The following ANXA10 variants were observed in gnomAD, a reference collection of about 807,000 sequenced individuals.
ANXA10 encodes annexin 14.
ANXA10 carries 49 observed loss-of-function variants against 53.5 expected under a neutral mutation model. That is an observed-to-expected ratio of 0.92 (90% confidence interval 0.73 to 1.16). ANXA10 has a LOEUF of 1.16. Among genes scored for constraint, ANXA10 ranks in the 50% most tolerant of loss-of-function variants. The pLI is 0.00. For missense variants in ANXA10, 393 were observed against 394.4 expected (o/e 1.00, Z 0.03); for synonymous variants, 131 against 128.9 (o/e 1.02, Z -0.11).
chr4:168,178,460 T>C (rs1341105126), intron 8 of ANXA10: 1 of 152,956 alleles, frequency 6.5e-6, no homozygotes, highest in East Asian at 1.9e-4. Flanking sequence ...TCTTTTTCTT[T>C]TATTAAAAAA....
chr4:168,156,843 G>T (rs1386917779), intron 3 of ANXA10, among the ~76,000 whole-genome samples: 1 of 151,926 alleles, frequency 6.6e-6, no homozygotes, highest in African/African-American at 2.4e-5. Flanking sequence ...TGTTTGGCTG[G>T]AGTAAAGGGA....
At chr4:168,177,700 C>T (rs1732156772) in intron 6 of ANXA10, 40 bp from the exon 7 acceptor site, 2 of 1,604,194 alleles carry the variant, frequency 1.2e-6, no homozygotes, top group Admixed American at 1.7e-5. Flanking sequence ...GAGTTGCTGA[C>T]TAAGAACATT....
intron 2 of ANXA10, 119 bp downstream of exon 2, chr4:168,128,284 CA>C (rs11353908): frequency 0.42 from 149,838 of 359,100 alleles, 14,370 homozygotes; most frequent in African/African-American, 0.5. Context: ...ACAGATTAGA[CA>C]AAAAAAAAAA....
intron 1 of ANXA10, among the ~76,000 whole-genome samples, chr4:168,112,042 A>G (rs1307952785): frequency 1.3e-5 from 2 of 152,176 alleles, no homozygotes; most frequent in East Asian, 1.9e-4. Context: ...CTGTACTCCT[A>G]GCACACTCTG....
chr4:168,162,765 C>T, intron 4 of ANXA10, 124 bp downstream of exon 4: 3 of 747,898 alleles, frequency 4.0e-6, no homozygotes, highest in African/African-American at 1.7e-5. Context: ...AATATCTAAA[C>T]AATGATGTAA....
At chr4:168,117,774 T>A (rs1316410691) in intron 1 of ANXA10, among the ~76,000 whole-genome samples, 1 of 152,176 alleles carries the variant, frequency 6.6e-6, no homozygotes, top group Non-Finnish European at 1.5e-5. Context: ...AAAAACAAGA[T>A]AAGTGTTTAC....
At chr4:168,109,243 CA>C (rs1382660880) in intron 1 of ANXA10, among the ~76,000 whole-genome samples, 1 of 152,152 alleles carries the variant, frequency 6.6e-6, no homozygotes, top group Non-Finnish European at 1.5e-5. Context: ...TGGTGCAGAG[CA>C]ACCCATAACT....
chr4:168,109,819 T>A (rs1279270014), intron 1 of ANXA10, among the ~76,000 whole-genome samples: 1 of 152,220 alleles, frequency 6.6e-6, no homozygotes, highest in Non-Finnish European at 1.5e-5. Context: ...AAATTAAAAA[T>A]TACCTTTAAA....
chr4:168,156,145 A>G (rs1731657700), intron 3 of ANXA10, among the ~76,000 whole-genome samples: 2 of 23,592 alleles, frequency 8.5e-5, no homozygotes, highest in South Asian at 2.3e-3. Flanking sequence ...ATATATAAAA[A>G]TAATATATAT....
chr4:168,178,224 T>C (rs1395098715), intron 8 of ANXA10: 8 of 483,172 alleles, frequency 1.7e-5, no homozygotes, highest in Non-Finnish European at 3.0e-5. Flanking sequence ...AAAAATAATC[T>C]CTGTATTTGA....
chr4:168,114,364 C>A (rs1730857015), intron 1 of ANXA10, among the ~76,000 whole-genome samples: 1 of 152,114 alleles, frequency 6.6e-6, no homozygotes. Flanking sequence ...ACCTCCACCT[C>A]CCAGGTTCAA....
intron 3 of ANXA10, among the ~76,000 whole-genome samples, chr4:168,154,344 T>C (rs1731563636): frequency 1.3e-5 from 2 of 152,172 alleles, no homozygotes. Context: ...ACATATTTTG[T>C]GCACTCAGTA....
At chr4:168,095,082 T>C (rs761295834) in intron 1 of ANXA10, among the ~76,000 whole-genome samples, 18 of 151,990 alleles carry the variant, frequency 1.2e-4, no homozygotes, top group Non-Finnish European at 2.1e-4. Flanking sequence ...TGGAGGAAAT[T>C]TTACTATACA....
chr4:168,136,525 A>T (rs1047623953), intron 2 of ANXA10, among the ~76,000 whole-genome samples: 11 of 152,218 alleles, frequency 7.2e-5, no homozygotes, highest in Non-Finnish European at 1.3e-4. Flanking sequence ...CTGAAACTTA[A>T]CAGGGCAGTC....
At chr4:168,149,620 T>C (rs72691181) in intron 3 of ANXA10, among the ~76,000 whole-genome samples, 6,680 of 152,208 alleles carry the variant, frequency 0.044, 255 homozygotes, top group Admixed American at 0.11. Flanking sequence ...TGTCAGAGAA[T>C]TTCTGAAGAT....
At chr4:168,095,023 T>A (rs1314107283) in intron 1 of ANXA10, among the ~76,000 whole-genome samples, 1 of 151,972 alleles carries the variant, frequency 6.6e-6, no homozygotes, top group African/African-American at 2.4e-5. Context: ...CAGATATAAA[T>A]CACATCATAG....
intron 3 of ANXA10, among the ~76,000 whole-genome samples, chr4:168,158,538 G>A (rs1731727964): frequency 6.6e-6 from 1 of 152,122 alleles, no homozygotes; most frequent in Non-Finnish European, 1.5e-5. Flanking sequence ...TCTTCTAGAA[G>A]ATTTAGTTTT....
At chr4:168,183,051 A>G (rs1024134321) in intron 10 of ANXA10, among the ~76,000 whole-genome samples, 1 of 151,764 alleles carries the variant, frequency 6.6e-6, no homozygotes, top group East Asian at 1.9e-4. Flanking sequence ...AGAAAAAGAA[A>G]GTCTCATAGA....
At chr4:168,136,509 G>A (rs909916453) in intron 2 of ANXA10, among the ~76,000 whole-genome samples, 1 of 152,198 alleles carries the variant, frequency 6.6e-6, no homozygotes, top group Admixed American at 6.5e-5. Context: ...GAGGCCCTAT[G>A]CAAGCCTGAA....
Sources: gnomAD v4.1 joint callset for allele counts (sites outside exome capture counted in the v4.1 genomes callset) on GRCh38, gnomAD v4.1.1 for gene constraint, MANE v1.5 for transcripts, NCBI Gene and HGNC (gene_info 2026-07-23, HGNC 2026-07-21) for gene names.